POPDC1: variants seen among roughly 807,000 people sequenced by gnomAD.
The protein encoded by POPDC1 is popeye domain cAMP effector 1.
the POPDC1 span, among the ~76,000 whole-genome samples, chr6:105,121,823 C>G: frequency 1.3e-5 from 2 of 152,172 alleles, no homozygotes; most frequent in Non-Finnish European, 2.9e-5. Context: ...TTTCATCGTA[C>G]TGTACAATTC....
the POPDC1 span, among the ~76,000 whole-genome samples, chr6:105,124,366 T>C: frequency 8.7e-6 from 1 of 115,160 alleles, no homozygotes; most frequent in Non-Finnish European, 1.6e-5. Flanking sequence ...TGGGCGACAG[T>C]GCAAGACTCC....
chr6:105,119,134 G>A, the POPDC1 span, among the ~76,000 whole-genome samples: 13 of 144,480 alleles, frequency 9.0e-5, no homozygotes, highest in African/African-American at 1.3e-4. Context: ...GCAGTGAGCC[G>A]AGATCGTGCC....
the POPDC1 span, among the ~76,000 whole-genome samples, chr6:105,124,999 C>T: frequency 6.6e-6 from 1 of 152,058 alleles, no homozygotes; most frequent in Non-Finnish European, 1.5e-5. Context: ...GAGACTGACT[C>T]TCTCCCCAAA....
At chr6:105,116,689 G>A in the POPDC1 span, 4 of 1,558,758 alleles carry the variant, frequency 2.6e-6, no homozygotes, top group Non-Finnish European at 3.5e-6. Context: ...AATAAACTCA[G>A]AGAACACTTA....
the POPDC1 span, among the ~76,000 whole-genome samples, chr6:105,103,106 G>T: frequency 1.7e-4 from 26 of 152,248 alleles, no homozygotes; most frequent in South Asian, 1.0e-3. Flanking sequence ...TATTCAAATG[G>T]CAATGAATTC....
the POPDC1 span, among the ~76,000 whole-genome samples, chr6:105,106,968 T>A: frequency 6.6e-5 from 10 of 152,180 alleles, no homozygotes; most frequent in Non-Finnish European, 5.9e-5. Context: ...CAACTTACTC[T>A]TTTAGTTATT....
At chr6:105,108,015 G>A in the POPDC1 span, among the ~76,000 whole-genome samples, 2 of 152,282 alleles carry the variant, frequency 1.3e-5, no homozygotes, top group Admixed American at 6.5e-5. Context: ...GGGCAAATGC[G>A]GAGGTTGAAG....
At chr6:105,105,936 G>T in the POPDC1 span, among the ~76,000 whole-genome samples, 1 of 152,094 alleles carries the variant, frequency 6.6e-6, no homozygotes, top group Non-Finnish European at 1.5e-5. Flanking sequence ...TTCATTTATT[G>T]CCAATTGTAG....
At chr6:105,131,357 A>T in the POPDC1 span, among the ~76,000 whole-genome samples, 1 of 152,220 alleles carries the variant, frequency 6.6e-6, no homozygotes, top group African/African-American at 2.4e-5. Context: ...GAGGACCTGA[A>T]TTATAGTCCT....
the POPDC1 span, among the ~76,000 whole-genome samples, chr6:105,113,959 A>C: frequency 4.6e-5 from 7 of 151,948 alleles, no homozygotes; most frequent in African/African-American, 1.7e-4. Context: ...CACACACAAA[A>C]AAAACAAAAA....
the POPDC1 span, chr6:105,116,955 T>C: frequency 8.2e-7 from 1 of 1,221,010 alleles, no homozygotes; most frequent in African/African-American, 1.5e-5. Context: ...AGGAATGATT[T>C]AGTGGACATT....
At chr6:105,114,728 G>A in the POPDC1 span, among the ~76,000 whole-genome samples, 1 of 152,016 alleles carries the variant, frequency 6.6e-6, no homozygotes. Flanking sequence ...TTCAACATCT[G>A]GGTTATTTGT....
At chr6:105,113,970 C>A in the POPDC1 span, among the ~76,000 whole-genome samples, 1 of 151,150 alleles carries the variant, frequency 6.6e-6, no homozygotes, top group African/African-American at 2.4e-5. Context: ...AAAACAAAAA[C>A]AAAACAAAAA....
chr6:105,106,989 A>G, the POPDC1 span, among the ~76,000 whole-genome samples: 1 of 152,118 alleles, frequency 6.6e-6, no homozygotes, highest in Admixed American at 6.5e-5. Context: ...TTAAAAATGT[A>G]TATTATTTTT....
the POPDC1 span, among the ~76,000 whole-genome samples, chr6:105,118,150 C>G: frequency 2.6e-5 from 4 of 152,216 alleles, no homozygotes; most frequent in Non-Finnish European, 5.9e-5. Context: ...CCAGTCCTAT[C>G]TGAGCCTCAG....
chr6:105,109,779 A>AAAAAAAAAAAAAAAAAAAT, the POPDC1 span, among the ~76,000 whole-genome samples: 1 of 147,652 alleles, frequency 6.8e-6, no homozygotes, highest in African/African-American at 2.4e-5. Flanking sequence ...AAAAAAAAAA[A>AAAAAAAAAAAAAAAAAAAT]AAAGATTAAG....
chr6:105,131,401 A>T, the POPDC1 span, among the ~76,000 whole-genome samples: 1 of 152,012 alleles, frequency 6.6e-6, no homozygotes, highest in South Asian at 2.1e-4. Context: ...TTAATTTTGG[A>T]TGGGTCATTT....
the POPDC1 span, among the ~76,000 whole-genome samples, chr6:105,104,146 T>C: frequency 2.6e-5 from 4 of 151,978 alleles, no homozygotes; most frequent in East Asian, 3.9e-4. Flanking sequence ...TTGCCTTTTT[T>C]CCCTCTACTT....
chr6:105,099,616 T>C, the POPDC1 span: 1 of 152,224 alleles, frequency 6.6e-6, no homozygotes, highest in South Asian at 2.1e-4. Context: ...AATGCCACTG[T>C]TTACTAAACC....
Sources: gnomAD v4.1 joint callset for allele counts (sites outside exome capture counted in the v4.1 genomes callset) on GRCh38, gnomAD v4.1.1 for gene constraint, MANE v1.5 for transcripts, NCBI Gene and HGNC (gene_info 2026-07-23, HGNC 2026-07-21) for gene names.